The following EXPH5 variants were observed in gnomAD, a reference collection of about 807,000 sequenced individuals.
EXPH5 encodes exophilin 5, also known as exophilin-5.
A neutral mutation model predicts 41.1 loss-of-function variants in EXPH5; 42 were observed. The observed-to-expected ratio is 1.02, with a 90% CI of 0.80 to 1.32. EXPH5 has a LOEUF of 1.32. EXPH5 is among the 40% of genes most tolerant of loss of function. The probability of loss-of-function intolerance (pLI) is 0.00; values close to 1 mark genes in which losing one functional copy is unlikely to be tolerated. For missense variants in EXPH5, 2,298 were observed against 2,314.5 expected, an observed-to-expected ratio of 0.99 and a Z score of 0.15; for synonymous variants, 798 against 833.5, an observed-to-expected ratio of 0.96 and a Z score of 0.73.
At chr11:108,515,167 T>G (rs908009552) in intron 5 of EXPH5, among the ~76,000 whole-genome samples, 2 of 146,270 alleles carry the variant, frequency 1.4e-5, no homozygotes, top group Non-Finnish European at 3.0e-5. Flanking sequence ...TTTAATCATG[T>G]TTTTTTTTAG....
chr11:108,510,266 G>A lies in EXPH5; in HGVS notation c.5241C>T (p.Asp1747=). ...FTSLREAEFS[D]NQRRLSPPFP... is the part of the protein sequence containing the mutation. ...AAGGAGGGCTCAGCCTCCTCTGATTGTCAGAGAATTCTGCTTCCCTGAGGC... is the reference window on the plus strand; with the variant it reads ...AAGGAGGGCTCAGCCTCCTCTGATTATCAGAGAATTCTGCTTCCCTGAGGC... Residue 1747 remains aspartate (D), a synonymous_variant, in exon 6 of 6, where the codon GAC becomes GAT. Coordinates refer to ENST00000265843, the MANE Select transcript of EXPH5 (RefSeq NM_015065.3). 6.2e-7 allele frequency: 1 copy of A among 1,613,938 alleles called. No homozygotes were observed. Among genetic ancestry groups the A allele is most frequent in the South Asian group, 1.1e-5 (1 of 91,028 alleles).
At chr11:108,587,119 T>C (rs1237837748) in intron 1 of EXPH5, among the ~76,000 whole-genome samples, 2 of 122,950 alleles carry the variant, frequency 1.6e-5, no homozygotes, top group South Asian at 2.6e-4. Context: ...CATTTTCTTT[T>C]CTTTTCTTTT....
At position 108,514,440 on chromosome 11, in the gene EXPH5, G is replaced by A. The variant is rs1565781434; in HGVS notation, c.1067C>T (p.Pro356Leu). ...ATTQSKSGFIPPRHQQSPKRT... is the reference protein window; with the variant it reads ...ATTQSKSGFILPRHQQSPKRT... ...CTTTGGACTCTGCTGGTGCCTTGGT[G>A]GTATAAACCCACTCTTGCTCTGAGT... is the stretch of plus-strand genomic sequence containing the variant. The change falls in exon 6 of 6, where the codon CCA (proline) becomes CTA (leucine). Residue 356 changes from proline (P) to leucine (L), a missense_variant. By Grantham distance (98) the Pro-to-Leu change is moderately conservative. Coordinates refer to ENST00000265843, the MANE Select transcript of EXPH5 (RefSeq NM_015065.3). The A allele has an allele frequency of 6.2e-7, 1 of 1,614,064 alleles. No homozygotes were observed. Among genetic ancestry groups the A allele is most frequent in the Non-Finnish European group, 8.5e-7 (1 of 1,179,980 alleles).
At chr11:108,584,458 A>G (rs1465548875) in intron 1 of EXPH5, among the ~76,000 whole-genome samples, 1 of 152,096 alleles carries the variant, frequency 6.6e-6, no homozygotes, top group Non-Finnish European at 1.5e-5. Flanking sequence ...AGCTTAGGCG[A>G]CAAAGAGAGA....
At chr11:108,549,580 C>T (rs1001174764) in intron 1 of EXPH5, among the ~76,000 whole-genome samples, 3 of 152,124 alleles carry the variant, frequency 2.0e-5, no homozygotes, top group East Asian at 1.9e-4. Context: ...CCATTTAGAA[C>T]GTGCTCAGTA....
chr11:108,538,158 C>T, intron 3 of EXPH5: 2 of 985,534 alleles, frequency 2.0e-6, no homozygotes, highest in Non-Finnish European at 2.4e-6. Context: ...CCACCAGCTG[C>T]TTGCTGCCTC....
At chr11:108,551,122 C>G (rs758011228) in intron 1 of EXPH5, among the ~76,000 whole-genome samples, 1 of 152,200 alleles carries the variant, frequency 6.6e-6, no homozygotes, top group East Asian at 1.9e-4. Context: ...GCTCCAGCAT[C>G]GTCCTCATTT....
At position 108,510,854 on chromosome 11, in the gene EXPH5, C is replaced by G; in HGVS notation, c.4653G>C (p.Glu1551Asp). The stretch of plus-strand genomic sequence containing the variant: ...GCATTTCATCTTCAGCCTTCCTGCT[C>G]TCTGTCATATTTGCCTCCTGACTTC... Reference protein sequence around the residue: ...PQRSQEANMTESRKAEDEMQK... With the variant: ...PQRSQEANMTDSRKAEDEMQK... Residue 1551 changes from glutamate to aspartate, a missense_variant, in exon 6 of 6, where the codon GAG (glutamate) becomes GAC (aspartate). Glu to Asp is a conservative substitution (Grantham distance 45). Coordinates refer to ENST00000265843, the MANE Select transcript of EXPH5 (RefSeq NM_015065.3). 1.9e-6 allele frequency: 3 copies of G among 1,614,174 alleles called. No individual in the cohort carries two copies. The highest frequency in any genetic ancestry group is 1.1e-5 in the South Asian group (1 of 91,070).
chr11:108,544,716 T>C (rs1045989141), intron 1 of EXPH5, among the ~76,000 whole-genome samples: 11 of 152,144 alleles, frequency 7.2e-5, no homozygotes, highest in African/African-American at 2.7e-4. Flanking sequence ...AATAATTATG[T>C]AGACAACATA....
At chr11:108,520,281 G>C (rs778534897) in intron 4 of EXPH5, among the ~76,000 whole-genome samples, 10 of 152,274 alleles carry the variant, frequency 6.6e-5, no homozygotes, top group Non-Finnish European at 1.2e-4. Context: ...AGGTGGAACA[G>C]TTTCATTCCC....
the EXPH5 span, among the ~76,000 whole-genome samples, chr11:108,599,362 T>C: frequency 6.6e-6 from 1 of 152,236 alleles, no homozygotes; most frequent in South Asian, 2.1e-4. Flanking sequence ...TTCTTTCTCA[T>C]GTATGCATGT....
rs774010300 is a variant in EXPH5, at chr11:108,513,223, T to C, written c.2284A>G (p.Thr762Ala). 1.1e-5 allele frequency: 18 copies of C among 1,613,588 alleles called. No homozygotes were observed. Among genetic ancestry groups the C allele is most frequent in the Non-Finnish European group, 1.4e-5 (17 of 1,179,882 alleles). The change falls in exon 6 of 6, where the codon ACC (threonine) becomes GCC (alanine). Residue 762 changes from threonine (T) to alanine (A), a missense_variant. By Grantham distance (58) the Thr-to-Ala change is moderately conservative. Coordinates refer to ENST00000265843, the MANE Select transcript of EXPH5 (RefSeq NM_015065.3). ...KSNGFGFNAS[T>A]IISSKKSPRV... ...GGTGACTTTTTTGAACTTATTATGG[T>C]AGATGCATTAAAACCAAACCCGTTG...
chr11:108,550,017 A>G (rs1366955213), intron 1 of EXPH5, among the ~76,000 whole-genome samples: 2 of 152,176 alleles, frequency 1.3e-5, no homozygotes, highest in African/African-American at 2.4e-5. Flanking sequence ...TGTGTTTACT[A>G]TTACCAAGGA....
intron 4 of EXPH5, among the ~76,000 whole-genome samples, chr11:108,526,700 C>T (rs979811650): frequency 2.6e-5 from 4 of 152,230 alleles, no homozygotes; most frequent in African/African-American, 9.6e-5. Flanking sequence ...TGAGGAGCTG[C>T]TGGCATTACT....
At chr11:108,556,598 G>A (rs1022671570) in intron 1 of EXPH5, among the ~76,000 whole-genome samples, 36 of 152,136 alleles carry the variant, frequency 2.4e-4, no homozygotes, top group Admixed American at 7.9e-4. Context: ...TCAGCCTCCC[G>A]AGTAGCTGGG....
rs2093678513 is a variant in EXPH5, at chr11:108,511,228, G to T, written c.4279C>A (p.Leu1427Ile). 1 of 1,611,728 alleles carries T rather than the reference G, an allele frequency of 6.2e-7. No homozygotes were observed. Among genetic ancestry groups the T allele is most frequent in the Admixed American group, 1.7e-5 (1 of 59,322 alleles). ...ATATTAACTTCTGAAAGAGCTGGAA[G>T]ACTAGAGGGACCACTGTTACTTGAA... Reference protein sequence around the residue: ...INSSNSGPSSLPALSEVNIGN... With the variant: ...INSSNSGPSSIPALSEVNIGN... Residue 1427 changes from leucine (L) to isoleucine (I), a missense_variant, in exon 6 of 6, where the codon CTT becomes ATT. Transcript: ENST00000265843.
rs112532355 is a variant in EXPH5, at chr11:108,571,322, G to C, written c.119+22096C>G. Among the ~76,000 whole-genome samples, 646 of 152,262 alleles carry C rather than the reference G, an allele frequency of 4.2e-3. 4 individuals are homozygous for C. The highest frequency in any genetic ancestry group is 0.014 in the African/African-American group (596 of 41,558). ...GTGCTATACCATAACCCACAACTAA[G>C]AATGAATTTTGGTGGAGTGAGGAGG... On this transcript the variant is annotated intron_variant, in intron 1 of 5. Coordinates refer to ENST00000265843, the MANE Select transcript of EXPH5 (RefSeq NM_015065.3).
At chr11:108,555,133 G>A (rs533954210) in intron 1 of EXPH5, among the ~76,000 whole-genome samples, 1 of 152,358 alleles carries the variant, frequency 6.6e-6, no homozygotes, top group Non-Finnish European at 1.5e-5. Context: ...GACAAGAGGA[G>A]TGCACTGGGC....
rs887755226 is a variant in EXPH5 at position 108,538,223 on chromosome 11, C to T, written c.443+801G>A. The T allele has an allele frequency of 1.1e-5, 11 of 985,296 alleles. No individual in the cohort carries two copies. The African/African-American group carries it at 1.7e-4, about 16-fold the overall frequency. 61.0% of individuals were successfully genotyped at this position (985,296 alleles called of 1,614,324 possible). On this transcript the variant is annotated intron_variant, in intron 3 of 5. Coordinates refer to ENST00000265843, the MANE Select transcript of EXPH5 (RefSeq NM_015065.3). The stretch of plus-strand genomic sequence containing the variant: ...CCTTTTATTTAGTGCTGCAATACAC[C>T]GTGTGGTTTGACGGCACGCGGAACA...
Sources: allele counts gnomAD v4.1 joint callset (sites outside exome capture counted in the v4.1 genomes callset), GRCh38; gene constraint gnomAD v4.1.1; transcripts MANE v1.5; gene names NCBI Gene and HGNC (gene_info 2026-07-23, HGNC 2026-07-21).